SYNDIG1: variants seen among roughly 807,000 people sequenced by gnomAD.
SYNDIG1 encodes synapse differentiation inducing 1.
SYNDIG1 carries 9 observed loss-of-function variants against 19.4 expected under a neutral mutation model. The ratio of observed to expected loss-of-function variants is 0.46; its 90% CI spans 0.28 to 0.81. SYNDIG1 has a LOEUF of 0.81. SYNDIG1 is among the 30% of genes least tolerant of loss of function. The pLI is 0.12. For synonymous variants in SYNDIG1, 141 were observed against 145.9 expected (o/e 0.97, Z 0.24); for missense variants, 311 against 343.3 (o/e 0.91, Z 0.74).
At chr20:24,485,803 G>A (rs2146273137) in intron 1 of SYNDIG1, among the ~76,000 whole-genome samples, 1 of 152,312 alleles carries the variant, frequency 6.6e-6, no homozygotes, top group Middle Eastern at 3.4e-3. Flanking sequence ...GCTCAGTGCG[G>A]TTGGAGCTGG....
At chr20:24,653,946 T>C (rs537067533) in intron 3 of SYNDIG1, among the ~76,000 whole-genome samples, 1 of 152,324 alleles carries the variant, frequency 6.6e-6, no homozygotes, top group South Asian at 2.1e-4. Context: ...TACTCACCTC[T>C]TTAAAGGCCC....
chr20:24,644,841 G>A (rs2059408999), intron 3 of SYNDIG1, among the ~76,000 whole-genome samples: 1 of 152,172 alleles, frequency 6.6e-6, no homozygotes, highest in Non-Finnish European at 1.5e-5. Flanking sequence ...CAGAACAATA[G>A]ATCACCAGAA....
chr20:24,640,121 G>T (rs2059356609), intron 3 of SYNDIG1, among the ~76,000 whole-genome samples: 1 of 152,054 alleles, frequency 6.6e-6, no homozygotes, highest in Non-Finnish European at 1.5e-5. Flanking sequence ...ATCACTTGAG[G>T]TCAGGAGTTC....
At chr20:24,559,252 A>G (rs1313415911) in intron 2 of SYNDIG1, among the ~76,000 whole-genome samples, 2 of 152,210 alleles carry the variant, frequency 1.3e-5, no homozygotes, top group Admixed American at 1.3e-4. Flanking sequence ...AGGAAGACAA[A>G]CATCACATGT....
intron 3 of SYNDIG1, among the ~76,000 whole-genome samples, chr20:24,621,272 GT>G (rs753744190): frequency 6.6e-6 from 1 of 152,208 alleles, no homozygotes; most frequent in Non-Finnish European, 1.5e-5. Flanking sequence ...AAAACAAAGT[GT>G]TGGGAAAGCT....
intron 2 of SYNDIG1, among the ~76,000 whole-genome samples, chr20:24,549,170 A>G (rs2057652280): frequency 6.6e-6 from 1 of 152,124 alleles, no homozygotes. Context: ...AGTTATTCAT[A>G]TCTAGCTGTA....
intron 3 of SYNDIG1, among the ~76,000 whole-genome samples, chr20:24,657,926 T>G (rs1042117623): frequency 1.3e-5 from 2 of 152,122 alleles, no homozygotes; most frequent in Admixed American, 1.3e-4. Context: ...TGGAATACAT[T>G]TCCAGATAAA....
intron 2 of SYNDIG1, among the ~76,000 whole-genome samples, chr20:24,565,348 G>A (rs1600641045): frequency 6.6e-6 from 1 of 152,194 alleles, no homozygotes; most frequent in South Asian, 2.1e-4. Context: ...GCACACAGAG[G>A]CCGAGACTGT....
intron 3 of SYNDIG1, among the ~76,000 whole-genome samples, chr20:24,610,263 T>C (rs772178205): frequency 6.6e-6 from 1 of 152,176 alleles, no homozygotes; most frequent in Non-Finnish European, 1.5e-5. Flanking sequence ...TTTGAATAAT[T>C]TGGGCCTGGT....
intron 1 of SYNDIG1, among the ~76,000 whole-genome samples, chr20:24,477,825 G>T (rs1040920645): frequency 6.6e-6 from 1 of 152,186 alleles, no homozygotes; most frequent in African/African-American, 2.4e-5. Flanking sequence ...CGATGGAGGG[G>T]CTGATGGAAA....
intron 1 of SYNDIG1, among the ~76,000 whole-genome samples, chr20:24,517,937 C>G (rs1483290211): frequency 6.6e-6 from 1 of 151,242 alleles, no homozygotes; most frequent in South Asian, 2.1e-4. Context: ...TCCCAAGTAG[C>G]TGGGACAACA....
intron 3 of SYNDIG1, among the ~76,000 whole-genome samples, chr20:24,603,504 C>T (rs1036795181): frequency 7.2e-5 from 11 of 152,252 alleles, no homozygotes; most frequent in East Asian, 5.8e-4. Context: ...TAATGACAGG[C>T]GTGCCCTGAG....
chr20:24,583,394 C>T (rs543170277), intron 2 of SYNDIG1, among the ~76,000 whole-genome samples: 8 of 152,338 alleles, frequency 5.3e-5, no homozygotes, highest in African/African-American at 9.6e-5. Context: ...CTCCAGCTTG[C>T]GGCAGGAGGC....
intron 2 of SYNDIG1, among the ~76,000 whole-genome samples, chr20:24,564,926 G>C (rs773056206): frequency 6.6e-6 from 1 of 152,176 alleles, no homozygotes; most frequent in Non-Finnish European, 1.5e-5. Flanking sequence ...AGCCCGCATT[G>C]TGCCCCATGT....
At chr20:24,640,520 A>G (rs398040665) in intron 3 of SYNDIG1, among the ~76,000 whole-genome samples, 1 of 115,820 alleles carries the variant, frequency 8.6e-6, no homozygotes, top group East Asian at 3.3e-4. Context: ...GAAGGAAGGA[A>G]GGAAGGAAGG....
At chr20:24,656,350 G>T (rs1010296476) in intron 3 of SYNDIG1, among the ~76,000 whole-genome samples, 1 of 152,224 alleles carries the variant, frequency 6.6e-6, no homozygotes, top group African/African-American at 2.4e-5. Flanking sequence ...CAGTCCCACT[G>T]ATTCTAGCCG....
At chr20:24,542,384 T>C (rs544240513) in intron 1 of SYNDIG1, among the ~76,000 whole-genome samples, 1 of 152,318 alleles carries the variant, frequency 6.6e-6, no homozygotes, top group South Asian at 2.1e-4. Flanking sequence ...TCTGATTTAG[T>C]AGGTGCAGGT....
chr20:24,557,744 C>T (rs1428091839), intron 2 of SYNDIG1, among the ~76,000 whole-genome samples: 2 of 152,122 alleles, frequency 1.3e-5, no homozygotes, highest in African/African-American at 4.8e-5. Context: ...TTAGGCTGCT[C>T]GGGGGTCAGG....
intron 3 of SYNDIG1, among the ~76,000 whole-genome samples, chr20:24,602,206 C>T (rs58060195): frequency 0.011 from 1,636 of 152,242 alleles, 36 homozygotes; most frequent in African/African-American, 0.037. Context: ...CTTGTTCTCA[C>T]TCATGGTATA....
Sources: gnomAD v4.1 joint callset for allele counts (sites outside exome capture counted in the v4.1 genomes callset) on GRCh38, gnomAD v4.1.1 for gene constraint, MANE v1.5 for transcripts, NCBI Gene and HGNC (gene_info 2026-07-23, HGNC 2026-07-21) for gene names.